The following PIEZO2 variants were observed in gnomAD, a reference collection of about 807,000 sequenced individuals.
The protein encoded by PIEZO2 is piezo type mechanosensitive ion channel component 2, also known as piezo-type mechanosensitive ion channel component 2.
Under a neutral mutation model 337.3 loss-of-function variants are expected in PIEZO2, and 172 were observed. The observed-to-expected ratio is 0.51, with a 90% confidence interval of 0.45 to 0.58. PIEZO2 has a LOEUF of 0.58. PIEZO2 is among the 20% of genes least tolerant of loss of function. The pLI, the probability that PIEZO2 is intolerant of heterozygous loss-of-function variation, is 0.00. For missense variants in PIEZO2, 3,028 were observed against 3,391.3 expected, an observed-to-expected ratio of 0.89 and a Z score of 2.66; for synonymous variants, 1,251 against 1,228.5, an observed-to-expected ratio of 1.02 and a Z score of -0.38.
chr18:10,703,839 C>T (rs2035445015), intron 42 of PIEZO2, among the ~76,000 whole-genome samples: 1 of 152,176 alleles, frequency 6.6e-6, no homozygotes, highest in African/African-American at 2.4e-5. Flanking sequence ...AGATGCTAAG[C>T]GGGTGCTTGT....
At chr18:11,140,000 C>G (rs1355183545) in intron 1 of PIEZO2, among the ~76,000 whole-genome samples, 2 of 152,178 alleles carry the variant, frequency 1.3e-5, no homozygotes, top group African/African-American at 4.8e-5. Flanking sequence ...TCCATGATGG[C>G]AATGCACCCA....
rs9952944 is a variant in PIEZO2 at position 10,715,191 on chromosome 18, A to T, written c.5257-261T>A. The stretch of plus-strand genomic sequence containing the variant: ...CTTTCAAGATATGAACTATTATTTT[A>T]AAATACAGTCTTTAAACCATATATT... On this transcript the variant is annotated intron_variant, in intron 38 of 55. Coordinates refer to ENST00000674853, the MANE Select transcript of PIEZO2 (RefSeq NM_001378183.1). 0.15 allele frequency among the ~76,000 whole-genome samples: 22,596 copies of T among 152,254 alleles called. 2,452 individuals are homozygous for T. Among genetic ancestry groups the T allele is most frequent in the East Asian group, 0.27 (1,385 of 5,180 alleles).
chr18:10,743,252 T>C (rs2037295140), intron 31 of PIEZO2, among the ~76,000 whole-genome samples: 1 of 152,148 alleles, frequency 6.6e-6, no homozygotes, highest in Non-Finnish European at 1.5e-5. Context: ...TATTTCTGCT[T>C]GGGAAAAAAA....
At chr18:10,812,984 CTTTT>C (rs5823122) in intron 7 of PIEZO2, among the ~76,000 whole-genome samples, 3 of 146,282 alleles carry the variant, frequency 2.1e-5, no homozygotes, top group African/African-American at 7.6e-5. Context: ...TTATTTTAAA[CTTTT>C]TTTTTTTTTT....
Position 10,905,964 on chromosome 18 carries a change from C to T in PIEZO2, c.329+5222G>A, listed in dbSNP as rs537031550. On this transcript the variant is annotated intron_variant, in intron 4 of 55. Transcript: ENST00000674853. ...AGAGGTCATGCTCCTGGGAGTGGGC[C>T]ATCAGGACAGGTTTTACTGAGCAAT... Among the ~76,000 whole-genome samples, 44 of 152,154 alleles carry T rather than the reference C, an allele frequency of 2.9e-4. No homozygotes were observed. The South Asian group carries it at 9.0e-3, about 31-fold the overall frequency.
At chr18:10,972,235 T>G (rs264238) in intron 3 of PIEZO2, among the ~76,000 whole-genome samples, 2 of 150,564 alleles carry the variant, frequency 1.3e-5, no homozygotes, top group Non-Finnish European at 2.9e-5. Flanking sequence ...TTAGTTTACA[T>G]GAAAATGTTA....
At chr18:10,720,234 G>GCGTATATA (rs1555631512) in intron 36 of PIEZO2, among the ~76,000 whole-genome samples, 6 of 119,912 alleles carry the variant, frequency 5.0e-5, no homozygotes, top group African/African-American at 2.0e-4. Flanking sequence ...GTGTGTGTGT[G>GCGTATATA]TATATATATA....
chr18:11,075,786 CTT>C (rs147029235), intron 1 of PIEZO2, among the ~76,000 whole-genome samples: 1,669 of 125,156 alleles, frequency 0.013, 15 homozygotes, highest in African/African-American at 0.04. Flanking sequence ...AGATATATTT[CTT>C]TTTTTTTTTT....
rs116587706 is a variant in PIEZO2, at chr18:11,027,505, T to C, written c.160+38622A>G. The stretch of plus-strand genomic sequence containing the variant: ...TTAAAATTTAATTTTCAAGATGATA[T>C]AGGTTTTGCATGAGAGTTATACCTA... On this transcript the variant is annotated intron_variant, in intron 2 of 55. Transcript: ENST00000674853. This position sits in a 1 kb window ranked among gnomAD's most constrained non-coding sequence, Gnocchi z 4.2. Among the ~76,000 whole-genome samples the C allele has an allele frequency of 7.7e-4, 117 of 152,324 alleles. 1 individual carries two copies. Among genetic ancestry groups the C allele is most frequent in the African/African-American group, 2.6e-3 (107 of 41,576 alleles).
intron 7 of PIEZO2, among the ~76,000 whole-genome samples, chr18:10,810,283 A>G (rs2040148558): frequency 1.3e-5 from 2 of 152,242 alleles, no homozygotes; most frequent in Non-Finnish European, 1.5e-5. Context: ...AGAGATGATC[A>G]GTCCCCAGTA....
intron 1 of PIEZO2, among the ~76,000 whole-genome samples, chr18:11,103,818 C>T (rs931535053): frequency 6.0e-5 from 9 of 150,346 alleles, no homozygotes; most frequent in African/African-American, 1.2e-4. Flanking sequence ...TGCGTGTGTG[C>T]GTGTGTGCGT....
intron 3 of PIEZO2, among the ~76,000 whole-genome samples, chr18:10,966,787 C>T (rs994443678): frequency 4.6e-5 from 7 of 152,108 alleles, no homozygotes; most frequent in South Asian, 2.1e-4. Flanking sequence ...CCCTTTCCCC[C>T]GAGTCCCCAA....
intron 26 of PIEZO2, among the ~76,000 whole-genome samples, 191 bp from the exon 27 acceptor site, chr18:10,758,325 T>C (rs1160150295): frequency 6.7e-6 from 1 of 149,888 alleles, no homozygotes; most frequent in East Asian, 2.0e-4. Context: ...TTGCAGGGCA[T>C]AGAGTGACCA....
chr18:10,937,290 A>G (rs2032456506), intron 3 of PIEZO2, among the ~76,000 whole-genome samples: 1 of 152,228 alleles, frequency 6.6e-6, no homozygotes, highest in South Asian at 2.1e-4. Flanking sequence ...AGGAGGTTTC[A>G]TGAAATCTTC....
At chr18:10,898,673 G>A (rs2042967190) in intron 4 of PIEZO2, among the ~76,000 whole-genome samples, 1 of 152,126 alleles carries the variant, frequency 6.6e-6, no homozygotes, top group Non-Finnish European at 1.5e-5. Flanking sequence ...AGGAAATATT[G>A]GAATGAGGCT....
intron 2 of PIEZO2, among the ~76,000 whole-genome samples, chr18:11,059,080 G>A (rs2145885856): frequency 6.6e-6 from 1 of 152,330 alleles, no homozygotes; most frequent in South Asian, 2.1e-4. Context: ...CTACAAGCCA[G>A]AAGAGAGTGG....
intron 7 of PIEZO2, among the ~76,000 whole-genome samples, chr18:10,840,502 TA>T (rs2041157556): frequency 6.6e-6 from 1 of 152,168 alleles, no homozygotes; most frequent in South Asian, 2.1e-4. Context: ...ATATCAACAT[TA>T]ATGTTAAGTA....
intron 17 of PIEZO2, 75 bp from the exon 18 acceptor site, chr18:10,780,441 C>CA (rs201670319): frequency 0.01 from 7,336 of 699,398 alleles, 67 homozygotes; most frequent in Non-Finnish European, 0.014. Context: ...GACTGTTAGA[C>CA]AGAGACGAAC....
intron 7 of PIEZO2, among the ~76,000 whole-genome samples, chr18:10,845,321 A>T (rs1298066861): frequency 6.6e-6 from 1 of 151,998 alleles, no homozygotes; most frequent in Non-Finnish European, 1.5e-5. Flanking sequence ...CAGAGACAGG[A>T]TTTATTTTTT....
Sources: gnomAD v4.1 joint callset for allele counts (sites outside exome capture counted in the v4.1 genomes callset) on GRCh38, gnomAD v4.1.1 for gene constraint, Gnocchi (gnomAD v3.1) non-coding constraint, MANE v1.5 for transcripts, NCBI Gene and HGNC (gene_info 2026-07-23, HGNC 2026-07-21) for gene names.